Variants in ARAP2 observed in about 807,000 individuals in gnomAD.
ARAP2 encodes the protein ArfGAP with RhoGAP domain, ankyrin repeat and PH domain 2.
ARAP2 carries 148 observed loss-of-function variants against 194.5 expected under a neutral mutation model. That is an observed-to-expected ratio of 0.76 (90% CI 0.67 to 0.87). The LOEUF is 0.87. Ranked by LOEUF, ARAP2 falls within the 40% of genes least tolerant of loss-of-function variation. The pLI is 0.00. For missense variants in ARAP2, 2,128 were observed against 1,989.7 expected (o/e 1.07, Z -1.32); for synonymous variants, 695 against 683.5 (o/e 1.02, Z -0.26).
chr4:36,228,647 T>C lies in ARAP2; in HGVS notation c.840A>G (p.Arg280=). ...SRSKLVSRPS[R]SFLLRHRPVP... Reference sequence around the variant, plus strand: ...CAGGTCGATGTCTTAGCAGAAAAGATCGAGATGGTCTTGAAACCAACTTGC... The same window carrying C: ...CAGGTCGATGTCTTAGCAGAAAAGACCGAGATGGTCTTGAAACCAACTTGC... Residue 280 remains arginine (R), a synonymous_variant, in exon 2 of 33, where the codon CGA becomes CGG. Coordinates refer to ENST00000303965, the MANE Select transcript of ARAP2 (RefSeq NM_015230.4). 1.2e-6 allele frequency: 2 copies of C among 1,614,088 alleles called. No homozygotes were observed.
chr4:36,219,566 T>C (rs539357566), intron 2 of ARAP2, among the ~76,000 whole-genome samples: 117 of 152,250 alleles, frequency 7.7e-4, no homozygotes, highest in African/African-American at 2.6e-3. Flanking sequence ...GTGATGGAAA[T>C]GTTCTAAATC....
At chr4:36,084,540 A>G (rs1231858919) in intron 28 of ARAP2, among the ~76,000 whole-genome samples, 2 of 152,270 alleles carry the variant, frequency 1.3e-5, no homozygotes, top group East Asian at 3.9e-4. Flanking sequence ...TATCTCAAAA[A>G]TCCAAATTAA....
intron 5 of ARAP2, among the ~76,000 whole-genome samples, chr4:36,043,043 A>G (rs578052708): frequency 6.6e-6 from 1 of 152,118 alleles, no homozygotes; most frequent in African/African-American, 2.4e-5. Context: ...AGGTTTCTCC[A>G]TGTTGGCCAG....
intron 9 of ARAP2, among the ~76,000 whole-genome samples, chr4:36,009,308 T>C (rs1036890010): frequency 2.8e-4 from 42 of 152,160 alleles, no homozygotes; most frequent in Non-Finnish European, 1.5e-5. Context: ...GAACAGTAGA[T>C]TGTATTTTTA....
At chr4:36,230,693 A>G (rs1438993773) in intron 1 of ARAP2, among the ~76,000 whole-genome samples, 6 of 152,208 alleles carry the variant, frequency 3.9e-5, no homozygotes, top group Non-Finnish European at 1.5e-5. Context: ...AGTACAGAGC[A>G]GGCATGACAC....
In ARAP2 at chr4:36,072,692, A is replaced by AC. The variant is rs869182210; in HGVS notation, c.4743+996_4743+997insG. Among the ~76,000 whole-genome samples, 5 of 150,710 alleles carry AC rather than the reference A, an allele frequency of 3.3e-5. No individual in the cohort carries two copies. The East Asian group carries it at 5.8e-4, about 18-fold the overall frequency. The stretch of plus-strand genomic sequence containing the variant: ...CAAAAAAAAAACCCCAAAAAAAACA[A>AC]AAAAAAAAACTAGGTACAGAATGGA... On this transcript the variant is annotated intron_variant, in intron 32 of 32. Coordinates refer to ENST00000303965, the MANE Select transcript of ARAP2 (RefSeq NM_015230.4).
At chr4:36,060,251 C>G (rs141096392) in intron 1 of ARAP2, among the ~76,000 whole-genome samples, 45 of 152,198 alleles carry the variant, frequency 3.0e-4, no homozygotes, top group African/African-American at 1.0e-3. Context: ...CATTCTTTAT[C>G]AGATGTTATG....
intron 6 of ARAP2, among the ~76,000 whole-genome samples, chr4:36,208,846 G>A (rs1274276898): frequency 1.3e-5 from 2 of 151,846 alleles, no homozygotes; most frequent in African/African-American, 2.4e-5. Context: ...GGTGGGGGGA[G>A]CTTTAGGACA....
At chr4:36,219,835 A>G (rs1748765608) in intron 2 of ARAP2, among the ~76,000 whole-genome samples, 1 of 152,170 alleles carries the variant, frequency 6.6e-6, no homozygotes, top group South Asian at 2.1e-4. Context: ...GGAAAAATAA[A>G]CTATAACCAC....
intron 6 of ARAP2, among the ~76,000 whole-genome samples, chr4:36,201,915 A>G (rs551112249): frequency 2.0e-5 from 3 of 152,332 alleles, no homozygotes; most frequent in South Asian, 2.1e-4. Context: ...CACCTTTAAA[A>G]ATCACACAAT....
chr4:36,059,419 T>C (rs1291267449), intron 1 of ARAP2, among the ~76,000 whole-genome samples: 1 of 152,160 alleles, frequency 6.6e-6, no homozygotes, highest in African/African-American at 2.4e-5. Context: ...TGGGTTTGAA[T>C]GCCAGCTTTG....
intron 27 of ARAP2, among the ~76,000 whole-genome samples, chr4:36,102,254 T>C (rs1316954750): frequency 6.6e-6 from 1 of 151,916 alleles, no homozygotes; most frequent in Admixed American, 6.6e-5. Context: ...CATCCATCAC[T>C]CCCAACCAGC....
At chr4:36,103,557 G>C (rs574965656) in intron 27 of ARAP2, among the ~76,000 whole-genome samples, 7 of 151,722 alleles carry the variant, frequency 4.6e-5, no homozygotes, top group Admixed American at 3.9e-4. Flanking sequence ...TAATAGTTCA[G>C]TCATAATATA....
At chr4:36,243,328 T>G (rs971727529) in intron 1 of ARAP2, among the ~76,000 whole-genome samples, 10 of 151,010 alleles carry the variant, frequency 6.6e-5, no homozygotes, top group African/African-American at 2.4e-4. Context: ...CTTCTTGATT[T>G]TTTTTAAACC....
chr4:36,210,403 G>C lies in ARAP2; in HGVS notation c.1474C>G (p.Leu492Val), dbSNP rs544621381. 8.1e-6 allele frequency: 13 copies of C among 1,610,756 alleles called. 1 individual carries two copies. In the East Asian group the frequency reaches 2.0e-4, roughly 25 times the overall value. ...KKVKSGWLDK[L>V]SPQGKRMFQK... ...ATACGTACATACCCTTGAGGAGAGA[G>C]TTTATCCAGCCATCCTGATTTAACC... The change falls in exon 6 of 33, where the codon CTC (leucine) becomes GTC (valine). Residue 492 changes from leucine to valine, a missense_variant. Leu to Val is a conservative substitution (Grantham distance 32). Coordinates refer to ENST00000303965, the MANE Select transcript of ARAP2 (RefSeq NM_015230.4).
intron 8 of ARAP2, among the ~76,000 whole-genome samples, chr4:36,014,380 AAG>A (rs1491375844): frequency 1.4e-5 from 2 of 139,942 alleles, no homozygotes; most frequent in South Asian, 2.3e-4. Flanking sequence ...GAAAGAAAGA[AAG>A]AAAATGTAAG....
At chr4:36,156,389 G>GAGAGAGAA (rs1195464126) in intron 15 of ARAP2, among the ~76,000 whole-genome samples, 4 of 12,568 alleles carry the variant, frequency 3.2e-4, no homozygotes, top group African/African-American at 8.2e-4. Flanking sequence ...AAGAGAGAGA[G>GAGAGAGAA]AGAAAGAAAG....
intron 22 of ARAP2, among the ~76,000 whole-genome samples, chr4:36,122,109 A>G (rs1722812250): frequency 6.6e-6 from 1 of 151,750 alleles, no homozygotes; most frequent in African/African-American, 2.4e-5. Flanking sequence ...TGAAAAGTCA[A>G]AAAAATAACA....
intron 6 of ARAP2, chr4:36,209,525 T>C (rs566569416): frequency 6.0e-6 from 2 of 331,844 alleles, no homozygotes; most frequent in South Asian, 4.7e-5. Flanking sequence ...AGTCATCTGA[T>C]GCTGCTTCTG....
Sources: gnomAD v4.1 joint callset for allele counts (sites outside exome capture counted in the v4.1 genomes callset) on GRCh38, gnomAD v4.1.1 for gene constraint, MANE v1.5 for transcripts, NCBI Gene and HGNC (gene_info 2026-07-23, HGNC 2026-07-21) for gene names.